Variants in KIAA1549L observed in about 807,000 individuals in gnomAD.
KIAA1549L encodes the protein KIAA1549 like, also known as UPF0606 protein KIAA1549L.
Under a neutral mutation model 160.7 loss-of-function variants are expected in KIAA1549L, and 88 were observed. That is an observed-to-expected ratio of 0.55 (90% CI 0.46 to 0.65). KIAA1549L has a LOEUF of 0.65. KIAA1549L is among the 30% of genes least tolerant of loss of function. The pLI is 0.00. For missense variants in KIAA1549L, 2,258 were observed against 2,437.5 expected (o/e 0.93, Z 1.55); for synonymous variants, 950 against 976.7 (o/e 0.97, Z 0.51).
At chr11:33,534,237 C>G (rs1853841582) in intron 1 of KIAA1549L, among the ~76,000 whole-genome samples, 1 of 151,866 alleles carries the variant, frequency 6.6e-6, no homozygotes, top group African/African-American at 2.4e-5. Flanking sequence ...TTCCCACCAC[C>G]ACGCCCAGCT....
intron 1 of KIAA1549L, among the ~76,000 whole-genome samples, chr11:33,520,421 A>G (rs770584080): frequency 3.9e-5 from 6 of 151,932 alleles, no homozygotes; most frequent in Middle Eastern, 3.4e-3. Flanking sequence ...CACTTAACAT[A>G]ATGCCTTCTT....
intron 1 of KIAA1549L, chr11:33,450,768 C>T (rs1287989476): frequency 6.6e-6 from 1 of 152,414 alleles, no homozygotes; most frequent in South Asian, 2.1e-4. Context: ...GGTTCCTAAA[C>T]TTCATGAACA....
At chr11:33,397,700 A>C (rs1850408363) in intron 1 of KIAA1549L, among the ~76,000 whole-genome samples, 1 of 141,388 alleles carries the variant, frequency 7.1e-6, no homozygotes, top group Admixed American at 7.6e-5. Flanking sequence ...CGACAGAGCG[A>C]GACTCCATCT....
intron 16 of KIAA1549L, 114 bp downstream of exon 16, chr11:33,618,776 A>T: frequency 9.5e-7 from 1 of 1,058,138 alleles, no homozygotes; most frequent in Non-Finnish European, 1.3e-6. Flanking sequence ...TTTAAAAAGC[A>T]CTAAAATGTT....
chr11:33,522,153 G>A (rs1452835348), intron 1 of KIAA1549L, among the ~76,000 whole-genome samples: 2 of 152,056 alleles, frequency 1.3e-5, no homozygotes, highest in Non-Finnish European at 2.9e-5. Flanking sequence ...TTTTGAGTTT[G>A]GATGTTCTAA....
chr11:33,487,027 G>A (rs1390770969), intron 1 of KIAA1549L, among the ~76,000 whole-genome samples: 1 of 151,820 alleles, frequency 6.6e-6, no homozygotes, highest in Non-Finnish European at 1.5e-5. Context: ...AGTATTATGT[G>A]GATCTCCATA....
At chr11:33,528,721 A>G (rs929433635) in intron 1 of KIAA1549L, among the ~76,000 whole-genome samples, 1 of 152,238 alleles carries the variant, frequency 6.6e-6, no homozygotes, top group African/African-American at 2.4e-5. Context: ...AAGTGAAGTA[A>G]CTTGGGAATG....
At chr11:33,464,976 T>C (rs1320817207) in intron 1 of KIAA1549L, among the ~76,000 whole-genome samples, 1 of 151,886 alleles carries the variant, frequency 6.6e-6, no homozygotes, top group African/African-American at 2.4e-5. Context: ...GCTCTGGCCC[T>C]TTGTCCAGGG....
At chr11:33,558,496 C>T (rs1160522111) in intron 6 of KIAA1549L, among the ~76,000 whole-genome samples, 2 of 152,136 alleles carry the variant, frequency 1.3e-5, no homozygotes, top group Non-Finnish European at 2.9e-5. Flanking sequence ...GGATCTGCCT[C>T]CAGGGGCACC....
rs896316906 is a variant in KIAA1549L, at chr11:33,669,100, A to G, written c.*946A>G. The G allele has an allele frequency of 2.6e-5, 4 of 152,216 alleles. No individual in the cohort carries two copies. Among genetic ancestry groups the G allele is most frequent in the African/African-American group, 9.6e-5 (4 of 41,456 alleles). 9.4% of individuals were successfully genotyped at this position (152,216 alleles called of 1,614,324 possible). ...CAGTGTGTGCTGCTGAGTGGTACAAAAGGAAATAGTACTTGATTCCTGTTA... is the reference window on the plus strand; with the variant it reads ...CAGTGTGTGCTGCTGAGTGGTACAAGAGGAAATAGTACTTGATTCCTGTTA... On this transcript the variant is annotated 3_prime_UTR_variant, in exon 21 of 21. Transcript: ENST00000658780.
intron 1 of KIAA1549L, among the ~76,000 whole-genome samples, chr11:33,435,798 A>ATGTG (rs1254104673): frequency 0.022 from 168 of 7,624 alleles, 16 homozygotes; most frequent in African/African-American, 0.13. Context: ...ATATATATAT[A>ATGTG]TATATATATA....
At chr11:33,506,632 C>T (rs1853096463) in intron 1 of KIAA1549L, among the ~76,000 whole-genome samples, 1 of 150,900 alleles carries the variant, frequency 6.6e-6, no homozygotes, top group African/African-American at 2.4e-5. Context: ...GGGAGGATCC[C>T]TTGAGTACAG....
intron 12 of KIAA1549L, among the ~76,000 whole-genome samples, chr11:33,591,806 T>C (rs1318363659): frequency 2.0e-5 from 3 of 152,234 alleles, no homozygotes; most frequent in Non-Finnish European, 4.4e-5. Flanking sequence ...ATATATTTAA[T>C]TTATACTATA....
rs572715567 is a variant in KIAA1549L at position 33,410,040 on chromosome 11, A to G, written c.238+33151A>G. On this transcript the variant is annotated intron_variant, in intron 1 of 20. Transcript: ENST00000658780. ...TACTTTCTTTTATTTTTCTTTGTTC[A>G]TGGCTGTCTGCTGTATTTTTTTTTC... is the stretch of plus-strand genomic sequence containing the variant. 3.3e-5 allele frequency among the ~76,000 whole-genome samples: 5 copies of G among 151,902 alleles called. 1 individual carries two copies. Among genetic ancestry groups the G allele is most frequent in the African/African-American group, 9.7e-5 (4 of 41,402 alleles).
In KIAA1549L at chr11:33,574,700, A is replaced by C; in HGVS notation, c.4231-2A>C. 1.2e-6 allele frequency: 2 copies of C among 1,604,410 alleles called. No homozygotes were observed. The highest frequency in any genetic ancestry group is 8.5e-7 in the Non-Finnish European group (1 of 1,173,914). On this transcript the variant is annotated splice_acceptor_variant, in intron 9 of 20. Coordinates refer to ENST00000658780, the MANE Select transcript of KIAA1549L (RefSeq NM_012194.3). LOFTEE classifies it high-confidence loss of function. ...AACACTCGGCCTCTCTTTTTCCGAA[A>C]GATGGTGAAGATGCAGCGTGTCCCA...
intron 20 of KIAA1549L, among the ~76,000 whole-genome samples, chr11:33,663,763 A>C (rs79734142): frequency 0.011 from 1,623 of 152,318 alleles, 23 homozygotes; most frequent in African/African-American, 0.029. Context: ...GCTCTGCACA[A>C]TTCTGAGCAC....
At chr11:33,560,821 G>T (rs1590344864) in intron 7 of KIAA1549L, among the ~76,000 whole-genome samples, 1 of 152,074 alleles carries the variant, frequency 6.6e-6, no homozygotes, top group South Asian at 2.1e-4. Context: ...TTAGCACATG[G>T]CAGCCACTCA....
intron 20 of KIAA1549L, among the ~76,000 whole-genome samples, chr11:33,664,394 G>A (rs922067926): frequency 1.1e-4 from 16 of 152,204 alleles, no homozygotes; most frequent in Non-Finnish European, 7.3e-5. Context: ...GCCTTCTCAG[G>A]AGGGATCACC....
intron 1 of KIAA1549L, among the ~76,000 whole-genome samples, 194 bp downstream of exon 1, chr11:33,377,083 A>G (rs1163916021): frequency 6.6e-6 from 1 of 152,162 alleles, no homozygotes; most frequent in Non-Finnish European, 1.5e-5. Flanking sequence ...AAAAGGAGCA[A>G]TCGCCTCTTC....
Sources: allele counts gnomAD v4.1 joint callset (sites outside exome capture counted in the v4.1 genomes callset), GRCh38; gene constraint gnomAD v4.1.1; transcripts MANE v1.5; gene names NCBI Gene and HGNC (gene_info 2026-07-23, HGNC 2026-07-21).